BCR: variants seen among roughly 807,000 people sequenced by gnomAD.
The protein encoded by BCR is breakpoint cluster region protein.
Under a neutral mutation model 138.6 loss-of-function variants are expected in BCR, and 58 were observed. That is an observed-to-expected ratio of 0.42 (90% confidence interval 0.34 to 0.52). The LOEUF (loss-of-function observed/expected upper bound fraction) is 0.52. BCR is among the 20% of genes least tolerant of loss of function. The pLI is 0.06. For missense variants in BCR, 1,599 were observed against 1,727.2 expected (o/e 0.93, Z 1.32); for synonymous variants, 786 against 730.1 (o/e 1.08, Z -1.23).
intron 19 of BCR, 130 bp from the exon 20 acceptor site, chr22:23,312,757 C>G: frequency 1.1e-6 from 1 of 896,770 alleles, no homozygotes; most frequent in South Asian, 1.5e-5. Context: ...GTCAGATGAG[C>G]TGCTCAAAGC....
rs2073693043 is a variant in BCR, at chr22:23,284,906, G to A, written c.2238-127G>A. On this transcript the variant is annotated intron_variant, in intron 9 of 22. Transcript: ENST00000305877. ...CATCCCAGTCTGTCCCATGGAACAC[G>A]TGCTGGGTTTTAGGTCAGGTAAACC... 1.6e-5 allele frequency: 16 copies of A among 1,027,462 alleles called. No homozygotes were observed. The South Asian group carries it at 2.3e-4, about 15-fold the overall frequency. 63.6% of individuals were successfully genotyped at this position (1,027,462 alleles called of 1,614,324 possible). A position where few individuals can be genotyped will look rare whatever the true frequency, so the allele number is the denominator to read the frequency against.
intron 1 of BCR, among the ~76,000 whole-genome samples, chr22:23,225,492 G>T (rs2072880576): frequency 6.6e-6 from 1 of 152,232 alleles, no homozygotes; most frequent in African/African-American, 2.4e-5. Flanking sequence ...GGGACCTGGA[G>T]GATGTGGCCC....
chr22:23,280,947 A>G (rs1356509765), intron 8 of BCR, among the ~76,000 whole-genome samples: 4 of 152,214 alleles, frequency 2.6e-5, no homozygotes, highest in East Asian at 1.9e-4. Flanking sequence ...CGCACAGGAC[A>G]TGCCCTTGCA....
intron 1 of BCR, among the ~76,000 whole-genome samples, chr22:23,213,835 TA>T (rs376154209): frequency 0.018 from 2,502 of 135,676 alleles, 24 homozygotes; most frequent in African/African-American, 0.043. Flanking sequence ...CCCTGTCTCT[TA>T]AAAAAAAAAA....
rs1357854162 is a variant in BCR at position 23,285,129 on chromosome 22, G to C, written c.2334G>C (p.Leu778=). The change falls in exon 10 of 23, where the codon CTG becomes CTC. Residue 778 remains leucine, a synonymous_variant. Coordinates refer to ENST00000305877, the MANE Select transcript of BCR (RefSeq NM_004327.4). ...TGGAGGCAGTGCCCAACATCCCCCT[G>C]GTGCCCGATGAGGAGCTGGACGCTT... ...DELEAVPNIP[L]VPDEELDALK... The C allele has an allele frequency of 6.2e-7, 1 of 1,614,052 alleles. No homozygotes were observed. The highest frequency in any genetic ancestry group is 1.1e-5 in the South Asian group (1 of 91,048).
At chr22:23,238,079 C>G (rs1241439100) in intron 1 of BCR, among the ~76,000 whole-genome samples, 1 of 151,798 alleles carries the variant, frequency 6.6e-6, no homozygotes, top group Non-Finnish European at 1.5e-5. Flanking sequence ...TGTCATTATC[C>G]CCATTTCATT....
At chr22:23,309,189 GAGGGGGTGGGGACCCC>G (rs2073981363) in intron 16 of BCR, among the ~76,000 whole-genome samples, 1 of 152,154 alleles carries the variant, frequency 6.6e-6, no homozygotes, top group African/African-American at 2.4e-5. Flanking sequence ...GCAGAGGGAG[GAGGGGGTGGGGACCCC>G]AGGCAGCAGG....
intron 13 of BCR, 45 bp from the exon 14 acceptor site, chr22:23,290,294 C>G (rs758883213): frequency 1.9e-6 from 3 of 1,583,560 alleles, no homozygotes; most frequent in African/African-American, 2.7e-5. Flanking sequence ...ACCTGCCTCC[C>G]TTTCCCGGGA....
chr22:23,226,305 TGAGAGAGA>T (rs67417858), intron 1 of BCR, among the ~76,000 whole-genome samples: 41 of 149,050 alleles, frequency 2.8e-4, no homozygotes, highest in South Asian at 1.9e-3. Flanking sequence ...ATTAAGTGTA[TGAGAGAGA>T]GAGAGAGAGA....
chr22:23,214,314 G>C lies in BCR; in HGVS notation c.1279+32075G>C, dbSNP rs142931004. 3.3e-4 allele frequency among the ~76,000 whole-genome samples: 50 copies of C among 151,968 alleles called. No individual in the cohort carries two copies. In the East Asian group the frequency reaches 9.5e-3, roughly 29 times the overall value. On this transcript the variant is annotated intron_variant, in intron 1 of 22. Transcript: ENST00000305877. ...TTCTCAGCAATAATTGTTTTCAAAT[G>C]GTTTTATTTTAGGGATAGATCCCTT...
chr22:23,193,418 G>T lies in BCR; in HGVS notation c.1279+11179G>T, dbSNP rs1257463420. Among the ~76,000 whole-genome samples the T allele has an allele frequency of 2.0e-5, 3 of 152,236 alleles. No individual in the cohort carries two copies. In the East Asian group the frequency reaches 5.8e-4, roughly 29 times the overall value. Reference sequence around the variant, plus strand: ...GCGGGTGCAGACCATCTGGCCTCCTGTCTGGTCTCATAGAGTCTCCTGTTC... The same window carrying T: ...GCGGGTGCAGACCATCTGGCCTCCTTTCTGGTCTCATAGAGTCTCCTGTTC... On this transcript the variant is annotated intron_variant, in intron 1 of 22. Transcript: ENST00000305877.
chr22:23,180,816 A>T lies in BCR; in HGVS notation c.-145A>T, dbSNP rs1178596183. ...CGCTCCGCCTCACCTGCCACCAGGG[A>T]GTGGGCGGGCATTGTTCGCCGCCGC... On this transcript the variant is annotated 5_prime_UTR_variant, in exon 1 of 23. Transcript: ENST00000305877. The T allele has an allele frequency of 2.1e-5, 6 of 284,894 alleles. No individual in the cohort carries two copies. The highest frequency in any genetic ancestry group is 1.2e-4 in the African/African-American group (5 of 42,340). 17.6% of individuals were successfully genotyped at this position (284,894 alleles called of 1,614,324 possible).
chr22:23,191,782 GC>G (rs1452986700), intron 1 of BCR, among the ~76,000 whole-genome samples: 1 of 152,152 alleles, frequency 6.6e-6, no homozygotes, highest in Non-Finnish European at 1.5e-5. Context: ...CCCTGTTCTG[GC>G]CCAACCCCGC....
chr22:23,264,253 C>A, intron 4 of BCR: 4 of 945,742 alleles, frequency 4.2e-6, no homozygotes, highest in Non-Finnish European at 7.0e-6. Context: ...TTCCCGCTGA[C>A]GTCGACCCGC....
intron 1 of BCR, among the ~76,000 whole-genome samples, chr22:23,217,718 A>G (rs1055440546): frequency 1.3e-5 from 2 of 152,198 alleles, no homozygotes; most frequent in East Asian, 1.9e-4. Flanking sequence ...GACTCTTACA[A>G]GTTCTCTGTA....
chr22:23,274,546 A>G (rs1227662585), intron 8 of BCR, among the ~76,000 whole-genome samples: 1 of 152,158 alleles, frequency 6.6e-6, no homozygotes, highest in Non-Finnish European at 1.5e-5. Flanking sequence ...CAGGGGTCTC[A>G]TGCAGGGACA....
chr22:23,267,549 G>A (rs1174287658), intron 4 of BCR, among the ~76,000 whole-genome samples: 2 of 152,224 alleles, frequency 1.3e-5, no homozygotes, highest in East Asian at 3.9e-4. Flanking sequence ...AACACCAGGA[G>A]CCGTGAATGC....
At chr22:23,312,209 A>G (rs1186420113) in intron 19 of BCR, among the ~76,000 whole-genome samples, 2 of 152,210 alleles carry the variant, frequency 1.3e-5, no homozygotes, top group African/African-American at 4.8e-5. Context: ...CTGGGGCTGC[A>G]GCATCTCTGC....
intron 4 of BCR, chr22:23,263,169 G>A: frequency 1.3e-6 from 1 of 776,548 alleles, no homozygotes; most frequent in Non-Finnish European, 2.0e-6. Flanking sequence ...GGAGGAGGAG[G>A]CGGCTCGGGA....
Sources: allele counts gnomAD v4.1 joint callset (sites outside exome capture counted in the v4.1 genomes callset), GRCh38; gene constraint gnomAD v4.1.1; transcripts MANE v1.5; gene names NCBI Gene and HGNC (gene_info 2026-07-23, HGNC 2026-07-21).